The following GSE1 variants were observed in gnomAD, a reference collection of about 807,000 sequenced individuals.
GSE1 encodes Gse1 coiled-coil protein.
GSE1 carries 32 observed loss-of-function variants against 112.6 expected under a neutral mutation model. The observed-to-expected ratio is 0.28, with a 90% CI of 0.21 to 0.38. The LOEUF (loss-of-function observed/expected upper bound fraction) is 0.38, where lower values mean the gene tolerates loss of function less well. Ranked by LOEUF, GSE1 falls within the 10% of genes least tolerant of loss-of-function variation. The probability of loss-of-function intolerance (pLI) is 1.00; values close to 1 mark genes in which losing one functional copy is unlikely to be tolerated. For synonymous variants in GSE1, 1,115 were observed against 735.6 expected, an observed-to-expected ratio of 1.52 and a Z score of -8.35; for missense variants, 2,348 against 1,699.2, an observed-to-expected ratio of 1.38 and a Z score of -6.71.
At chr16:85,501,146 G>GC (rs925084045) in intron 2 of GSE1, among the ~76,000 whole-genome samples, 21 of 151,272 alleles carry the variant, frequency 1.4e-4, no homozygotes, top group East Asian at 3.9e-4. Flanking sequence ...GACTACAGGC[G>GC]CCCCCCACCA....
chr16:85,523,065 A>T (rs1278466153), intron 2 of GSE1, among the ~76,000 whole-genome samples: 1 of 151,464 alleles, frequency 6.6e-6, no homozygotes, highest in Middle Eastern at 3.2e-3. Flanking sequence ...CTATGTGTGC[A>T]TGTGACTGTG....
At chr16:85,523,662 C>A (rs570050055) in intron 2 of GSE1, among the ~76,000 whole-genome samples, 3 of 152,234 alleles carry the variant, frequency 2.0e-5, no homozygotes, top group Admixed American at 2.0e-4. Context: ...CTCCTCGTGC[C>A]TGCCTCCACC....
intron 2 of GSE1, among the ~76,000 whole-genome samples, chr16:85,542,787 G>C (rs1397400661): frequency 6.6e-6 from 1 of 152,222 alleles, no homozygotes; most frequent in African/African-American, 2.4e-5. Flanking sequence ...ATACTTGTGA[G>C]TCACATGACC....
intron 1 of GSE1, among the ~76,000 whole-genome samples, chr16:85,190,821 G>T (rs949321691): frequency 2.6e-5 from 4 of 152,240 alleles, no homozygotes; most frequent in Admixed American, 2.0e-4. Context: ...CTGGCCCAGG[G>T]CACAAAGGGC....
At chr16:85,668,856 C>A (rs993341210) in intron 14 of GSE1, among the ~76,000 whole-genome samples, 1 of 152,234 alleles carries the variant, frequency 6.6e-6, no homozygotes, top group Non-Finnish European at 1.5e-5. Context: ...GCTCTGTGGC[C>A]GGTGGGTGCC....
chr16:85,317,238 C>A, intron 1 of GSE1, among the ~76,000 whole-genome samples: 1 of 152,188 alleles, frequency 6.6e-6, no homozygotes, highest in African/African-American at 2.4e-5. Flanking sequence ...ACGGGACTAA[C>A]ACTTGCTCCA....
chr16:85,614,557 G>T (rs910891314), intron 1 of GSE1, among the ~76,000 whole-genome samples: 1 of 152,186 alleles, frequency 6.6e-6, no homozygotes, highest in Non-Finnish European at 1.5e-5. Flanking sequence ...TTAGATGGGG[G>T]AGTGGAGGCT....
intron 1 of GSE1, among the ~76,000 whole-genome samples, chr16:85,183,290 G>T (rs1017431502): frequency 1.3e-5 from 2 of 152,212 alleles, no homozygotes; most frequent in African/African-American, 4.8e-5. Context: ...AATCTGGCAG[G>T]GCCCGTGTGC....
In GSE1 at chr16:85,486,280, C is replaced by T. The variant is rs78592514; in HGVS notation, c.2464+128637C>T. ...ATGCTCCCTTATACTCACAGGTGGACGCTGTCACCTGCTCTCACACACACG... is the reference window on the plus strand; with the variant it reads ...ATGCTCCCTTATACTCACAGGTGGATGCTGTCACCTGCTCTCACACACACG... On this transcript the variant is annotated intron_variant, in intron 2 of 2. Coordinates refer to the GSE1 transcript ENST00000637419. Among the ~76,000 whole-genome samples, 352 of 146,094 alleles carry T rather than the reference C, an allele frequency of 2.4e-3. 11 individuals are homozygous for T. The East Asian group carries it at 0.056, about 23-fold the overall frequency.
intron 2 of GSE1, among the ~76,000 whole-genome samples, chr16:85,408,518 G>GGC (rs763025159): frequency 2.4e-4 from 10 of 41,778 alleles, no homozygotes; most frequent in East Asian, 1.1e-3. Flanking sequence ...TTACACTCAG[G>GGC]CCCCCTGGAT....
chr16:85,370,278 C>T (rs772865757), intron 2 of GSE1, among the ~76,000 whole-genome samples: 5 of 152,190 alleles, frequency 3.3e-5, no homozygotes, highest in African/African-American at 4.8e-5. Flanking sequence ...CTCTGAGCAA[C>T]GCACCCCAGG....
intron 2 of GSE1, among the ~76,000 whole-genome samples, chr16:85,644,968 C>G (rs2050733688): frequency 6.6e-6 from 1 of 152,036 alleles, no homozygotes; most frequent in South Asian, 2.1e-4. Flanking sequence ...GCCTAGACTG[C>G]CAGTGTCCAG....
At chr16:85,605,663 G>C (rs750566084) in intron 1 of GSE1, among the ~76,000 whole-genome samples, 9 of 151,712 alleles carry the variant, frequency 5.9e-5, no homozygotes, top group Non-Finnish European at 1.3e-4. Flanking sequence ...CTGCACCCCC[G>C]GGGGGGCCAC....
chr16:85,613,152 C>T, upstream of GSE1: 2 of 1,315,602 alleles, frequency 1.5e-6, no homozygotes, highest in Non-Finnish European at 2.0e-6. Context: ...CTCCCGCTGG[C>T]TGAGGTCAGG....
chr16:85,544,144 T>C (rs1289875716), intron 2 of GSE1, among the ~76,000 whole-genome samples: 1 of 152,124 alleles, frequency 6.6e-6, no homozygotes, highest in Admixed American at 6.6e-5. Flanking sequence ...TGTAGACATA[T>C]TTTGATTGTC....
At chr16:85,298,318 G>A (rs954356221) in intron 1 of GSE1, among the ~76,000 whole-genome samples, 2 of 152,152 alleles carry the variant, frequency 1.3e-5, no homozygotes, top group Admixed American at 6.5e-5. Flanking sequence ...AAGAAGAAGC[G>A]CTTTATCTCC....
chr16:85,219,496 C>T (rs528235649), intron 1 of GSE1, among the ~76,000 whole-genome samples: 9 of 152,274 alleles, frequency 5.9e-5, no homozygotes, highest in African/African-American at 2.2e-4. Context: ...GGAGCCTCGG[C>T]CCTCAGGCCA....
chr16:85,171,404 C>T (rs940261744), exon 1 of GSE1: 1 of 985,514 alleles, frequency 1.0e-6, no homozygotes, highest in Non-Finnish European at 1.2e-6. Context: ...CCCTTCCTCA[C>T]CGTGTACCCG....
chr16:85,571,124 C>T (rs1199619796), intron 1 of GSE1, among the ~76,000 whole-genome samples: 1 of 152,174 alleles, frequency 6.6e-6, no homozygotes, highest in African/African-American at 2.4e-5. Flanking sequence ...TCGGATTCAG[C>T]GGGTCTGGGA....
Sources: allele counts gnomAD v4.1 joint callset (sites outside exome capture counted in the v4.1 genomes callset), GRCh38; gene constraint gnomAD v4.1.1; transcripts MANE v1.5; gene names NCBI Gene and HGNC (gene_info 2026-07-23, HGNC 2026-07-21).